ENTHD1: variants seen among roughly 807,000 people sequenced by gnomAD.
ENTHD1 encodes the protein ENTH domain containing 1.
Under a neutral mutation model 39.1 loss-of-function variants are expected in ENTHD1, and 23 were observed. That is an observed-to-expected ratio of 0.59 (90% CI 0.42 to 0.83). The LOEUF (loss-of-function observed/expected upper bound fraction) is 0.83. Among genes scored for constraint, ENTHD1 ranks in the 40% least tolerant of loss-of-function variants. The pLI is 0.00. For synonymous variants in ENTHD1, 230 were observed against 258.2 expected (o/e 0.89, Z 1.05); for missense variants, 624 against 705.4 (o/e 0.88, Z 1.31).
rs184995434 is a variant in ENTHD1 at position 39,814,575 on chromosome 22, G to A, written c.832+6418C>T. On this transcript the variant is annotated intron_variant, in intron 5 of 6. Coordinates refer to ENST00000325157, the MANE Select transcript of ENTHD1 (RefSeq NM_152512.4). Reference sequence around the variant, plus strand: ...ATGCAGGGTTGGTCATATCACTGACGGAGCAGAATAGAGAGGCTATAAACA... The same window carrying A: ...ATGCAGGGTTGGTCATATCACTGACAGAGCAGAATAGAGAGGCTATAAACA... Among the ~76,000 whole-genome samples the A allele has an allele frequency of 7.2e-5, 11 of 152,322 alleles. No individual in the cohort carries two copies. In the East Asian group the frequency reaches 7.7e-4, roughly 11 times the overall value.
chr22:39,816,439 T>C (rs1234190679), intron 5 of ENTHD1, among the ~76,000 whole-genome samples: 2 of 152,204 alleles, frequency 1.3e-5, no homozygotes, highest in Non-Finnish European at 2.9e-5. Context: ...TAAAATAGTA[T>C]ACATTAACAC....
Position 39,833,739 on chromosome 22 carries a change from TA to T in ENTHD1, c.711+2100del, listed in dbSNP as rs561140163. Among the ~76,000 whole-genome samples, 563 of 151,294 alleles carry T rather than the reference TA, an allele frequency of 3.7e-3. 5 individuals carry two copies. Among genetic ancestry groups the T allele is most frequent in the African/African-American group, 0.012 (498 of 41,282 alleles). ...CCAGATAATAAGAGTCCAAGAAAGA[TA>T]AAAAAGTGAAAATCAACAGTAGAAA... On this transcript the variant is annotated intron_variant, in intron 4 of 6. Transcript: ENST00000325157.
chr22:39,758,410 T>C (rs913716941), intron 6 of ENTHD1, among the ~76,000 whole-genome samples: 5 of 152,146 alleles, frequency 3.3e-5, no homozygotes, highest in African/African-American at 7.2e-5. Context: ...TTAGGGCTTT[T>C]TAAAAAACAT....
At position 39,750,015 on chromosome 22, in the gene ENTHD1, T is replaced by C. The variant is rs538327772; in HGVS notation, c.1220-5732A>G. On this transcript the variant is annotated intron_variant, in intron 6 of 6. Transcript: ENST00000325157. ...GAGACAGGATTCATAATGTCCTCCA[T>C]TTGCCATTCTGGTAGTTGCCGGAAG... 9 of 154,234 alleles carry C rather than the reference T, an allele frequency of 5.8e-5. No homozygotes were observed. In the South Asian group the frequency reaches 8.2e-4, roughly 14 times the overall value. 9.6% of individuals were successfully genotyped at this position (154,234 alleles called of 1,614,324 possible).
intron 6 of ENTHD1, among the ~76,000 whole-genome samples, chr22:39,761,523 C>A (rs1013025577): frequency 6.6e-6 from 1 of 152,046 alleles, no homozygotes; most frequent in Non-Finnish European, 1.5e-5. Flanking sequence ...TTTTTTCTGA[C>A]CCCTATGTCT....
intron 5 of ENTHD1, among the ~76,000 whole-genome samples, chr22:39,775,041 C>T (rs2065356015): frequency 6.6e-6 from 1 of 152,110 alleles, no homozygotes; most frequent in Admixed American, 6.5e-5. Context: ...ATATTTTATC[C>T]TTCACGTTAA....
intron 5 of ENTHD1, among the ~76,000 whole-genome samples, chr22:39,784,541 TATACACAC>T (rs1555925602): frequency 8.7e-6 from 1 of 115,270 alleles, no homozygotes; most frequent in Non-Finnish European, 1.8e-5. Context: ...TCTCTCTCTG[TATACACAC>T]ACACACACAC....
chr22:39,861,411 G>T (rs946336589), intron 3 of ENTHD1, among the ~76,000 whole-genome samples: 3 of 152,032 alleles, frequency 2.0e-5, no homozygotes, highest in African/African-American at 7.2e-5. Flanking sequence ...ATGGTGATGG[G>T]TGCCTGTAAT....
intron 6 of ENTHD1, among the ~76,000 whole-genome samples, chr22:39,748,388 A>G (rs2065123176): frequency 6.6e-6 from 1 of 152,204 alleles, no homozygotes. Context: ...GCCAAGACGG[A>G]AATAATATTT....
At chr22:39,872,788 A>G (rs77724820) in intron 2 of ENTHD1, among the ~76,000 whole-genome samples, 8 of 152,074 alleles carry the variant, frequency 5.3e-5, no homozygotes, top group Non-Finnish European at 1.0e-4. Context: ...GTGACTGAAA[A>G]TGAAAATGAA....
At position 39,879,000 on chromosome 22, in the gene ENTHD1, C is replaced by A. The variant is rs1044455255; in HGVS notation, c.349+8400G>T. Reference sequence around the variant, plus strand: ...TAAAATTTCTGATCTGCAAAAGACACGGTCAAGAAAATGAAAATATGAGCC... The same window carrying A: ...TAAAATTTCTGATCTGCAAAAGACAAGGTCAAGAAAATGAAAATATGAGCC... On this transcript the variant is annotated intron_variant, in intron 2 of 6. Coordinates refer to ENST00000325157, the MANE Select transcript of ENTHD1 (RefSeq NM_152512.4). Among the ~76,000 whole-genome samples, 3 of 151,288 alleles carry A rather than the reference C, an allele frequency of 2.0e-5. No individual in the cohort carries two copies. In the South Asian group the frequency reaches 6.2e-4, roughly 32 times the overall value.
chr22:39,763,875 T>A (rs1415359224), intron 6 of ENTHD1, among the ~76,000 whole-genome samples: 1 of 152,076 alleles, frequency 6.6e-6, no homozygotes, highest in Admixed American at 6.6e-5. Context: ...ACCAAACGTA[T>A]CAACTTCCCA....
chr22:39,805,791 T>A (rs2065635852), intron 5 of ENTHD1, among the ~76,000 whole-genome samples: 1 of 152,130 alleles, frequency 6.6e-6, no homozygotes, highest in South Asian at 2.1e-4. Context: ...ACAGGAAATT[T>A]AAGATTTTGG....
chr22:39,879,843 T>C (rs2066323548), intron 2 of ENTHD1, among the ~76,000 whole-genome samples: 1 of 152,210 alleles, frequency 6.6e-6, no homozygotes, highest in South Asian at 2.1e-4. Flanking sequence ...TTTGTAATTG[T>C]CAAAACTTGG....
At position 39,748,791 on chromosome 22, in the gene ENTHD1, A is replaced by G. The variant is rs193020684; in HGVS notation, c.1220-4508T>C. ...CACATATATATGCTGTGACTAAAAA[A>G]CCTGGTATTTAAATTGATGCCAGTG... is the stretch of plus-strand genomic sequence containing the variant. On this transcript the variant is annotated intron_variant, in intron 6 of 6. Coordinates refer to ENST00000325157, the MANE Select transcript of ENTHD1 (RefSeq NM_152512.4). 1.1e-4 allele frequency among the ~76,000 whole-genome samples: 17 copies of G among 152,266 alleles called. No homozygotes were observed. The East Asian group carries it at 2.5e-3, about 22-fold the overall frequency.
chr22:39,765,192 G>GTGTA lies in ENTHD1; in HGVS notation c.1219+30_1219+31insTACA, dbSNP rs539426826. ...GGTTTTTTGTTGTGTGTGTGTGTGT[G>GTGTA]TGTGTGTGTGTGTGTGTTTGGCAGA... On this transcript the variant is annotated intron_variant, in intron 6 of 6. Transcript: ENST00000325157. 201 of 1,544,668 alleles carry GTGTA rather than the reference G, an allele frequency of 1.3e-4. No individual in the cohort carries two copies. In the African/African-American group the frequency reaches 2.6e-3, roughly 20 times the overall value.
Position 39,835,936 on chromosome 22 carries a change from C to T in ENTHD1, c.615G>A (p.Leu205=), listed in dbSNP as rs114100360. 2.2e-5 allele frequency: 35 copies of T among 1,608,004 alleles called. No homozygotes were observed. The African/African-American group carries it at 4.0e-4, about 18-fold the overall frequency. ...HNKRNVCKAG[L]KQEHCQDVHL... ...GAACATCTTGGCAATGCTCTTGTTTCAATCCTGCCTTGCACACATTTCCTG... is the reference window on the plus strand; with the variant it reads ...GAACATCTTGGCAATGCTCTTGTTTTAATCCTGCCTTGCACACATTTCCTG... Residue 205 remains leucine (L), a synonymous_variant, in exon 4 of 7, where the codon TTG becomes TTA. Transcript: ENST00000325157.
chr22:39,834,578 A>G (rs2065894423), intron 4 of ENTHD1, among the ~76,000 whole-genome samples: 1 of 152,174 alleles, frequency 6.6e-6, no homozygotes, highest in Admixed American at 6.5e-5. Context: ...TAGTTTGACT[A>G]TTTTTGCAAA....
chr22:39,867,504 T>C lies in ENTHD1; in HGVS notation c.350-5497A>G, dbSNP rs1479431306. On this transcript the variant is annotated intron_variant, in intron 2 of 6. Coordinates refer to ENST00000325157, the MANE Select transcript of ENTHD1 (RefSeq NM_152512.4). This position sits in a 1 kb window ranked among gnomAD's most constrained non-coding sequence, Gnocchi z 4.5. The stretch of plus-strand genomic sequence containing the variant: ...TCCCAAATTCAGTTATCCACGTCTA[T>C]TGACTATACCCACTAATTATCTTCC... Among the ~76,000 whole-genome samples, 2 of 152,162 alleles carry C rather than the reference T, an allele frequency of 1.3e-5. No individual in the cohort carries two copies. Among genetic ancestry groups the C allele is most frequent in the Non-Finnish European group, 2.9e-5 (2 of 68,022 alleles).
Sources: gnomAD v4.1 joint callset for allele counts (sites outside exome capture counted in the v4.1 genomes callset) on GRCh38, gnomAD v4.1.1 for gene constraint, Gnocchi (gnomAD v3.1) non-coding constraint, MANE v1.5 for transcripts, NCBI Gene and HGNC (gene_info 2026-07-23, HGNC 2026-07-21) for gene names.